CRPPA: variants seen among roughly 807,000 people sequenced by gnomAD.
CRPPA encodes D-ribitol-5-phosphate cytidylyltransferase.
Under a neutral mutation model 52.0 loss-of-function variants are expected in CRPPA, and 43 were observed. The ratio of observed to expected loss-of-function variants is 0.83; its 90% CI spans 0.65 to 1.07. The LOEUF (loss-of-function observed/expected upper bound fraction) is 1.07, where lower values mean the gene tolerates loss of function less well. Ranked by LOEUF, CRPPA falls within the 50% of genes least tolerant of loss-of-function variation. The pLI, the probability that CRPPA is intolerant of heterozygous loss-of-function variation, is 0.00. For synonymous variants in CRPPA, 250 were observed against 203.5 expected, an observed-to-expected ratio of 1.23 and a Z score of -1.94; for missense variants, 629 against 551.7, an observed-to-expected ratio of 1.14 and a Z score of -1.40.
chr7:16,295,666 C>T (rs1362736996), intron 5 of CRPPA, among the ~76,000 whole-genome samples: 1 of 152,016 alleles, frequency 6.6e-6, no homozygotes, highest in Non-Finnish European at 1.5e-5. Context: ...GACCTTCATG[C>T]CAGGATATGG....
chr7:16,199,765 A>C (rs1026287662), intron 9 of CRPPA, among the ~76,000 whole-genome samples: 4 of 152,020 alleles, frequency 2.6e-5, no homozygotes, highest in African/African-American at 9.7e-5. Flanking sequence ...TCTGGTTTCC[A>C]GATTTTGTGA....
At chr7:16,143,617 G>A (rs1466912561) in intron 9 of CRPPA, among the ~76,000 whole-genome samples, 1 of 152,166 alleles carries the variant, frequency 6.6e-6, no homozygotes. Flanking sequence ...GGGAATGATG[G>A]AGATATTGGT....
chr7:16,093,544 T>G (rs964697451), intron 9 of CRPPA, among the ~76,000 whole-genome samples: 1 of 152,184 alleles, frequency 6.6e-6, no homozygotes, highest in African/African-American at 2.4e-5. Context: ...CTGGAGAAGA[T>G]CTGCAAGATG....
intron 3 of CRPPA, among the ~76,000 whole-genome samples, chr7:16,315,821 A>C (rs1326453462): frequency 1.3e-5 from 2 of 152,060 alleles, no homozygotes; most frequent in Non-Finnish European, 2.9e-5. Flanking sequence ...AGGTTTTCCT[A>C]CCCTGTCACT....
Position 16,091,085 on chromosome 7 carries a change from T to C in CRPPA, c.*610A>G, listed in dbSNP as rs1781827624. 1 of 152,208 alleles carries C rather than the reference T, an allele frequency of 6.6e-6. No homozygotes were observed. The highest frequency in any genetic ancestry group is 2.4e-5 in the African/African-American group (1 of 41,456). 9.4% of individuals were successfully genotyped at this position (152,208 alleles called of 1,614,324 possible). The stretch of plus-strand genomic sequence containing the variant: ...TCATAAACCAAAAATAACATACAAT[T>C]TAAAAACAGAAAAGAAGGAAATGAC... On this transcript the variant is annotated 3_prime_UTR_variant, in exon 10 of 10. Coordinates refer to ENST00000407010, the MANE Select transcript of CRPPA (RefSeq NM_001101426.4).
intron 3 of CRPPA, among the ~76,000 whole-genome samples, chr7:16,365,946 T>C (rs1429540748): frequency 2.6e-5 from 4 of 152,160 alleles, no homozygotes; most frequent in Non-Finnish European, 4.4e-5. Flanking sequence ...TTAAAGCATA[T>C]TGAAATGTTA....
At position 16,307,794 on chromosome 7, in the gene CRPPA, C is replaced by A. The variant is rs140778787; in HGVS notation, c.789+729G>T. On this transcript the variant is annotated intron_variant, in intron 4 of 9. Coordinates refer to ENST00000407010, the MANE Select transcript of CRPPA (RefSeq NM_001101426.4). ...AGAAAGTGGATCCAGCTACCACCCC[C>A]ACTGGGTTGGAACTGTTGCAGATAT... Among the ~76,000 whole-genome samples, 7 of 151,946 alleles carry A rather than the reference C, an allele frequency of 4.6e-5. No individual in the cohort carries two copies. In the East Asian group the frequency reaches 1.4e-3, roughly 29 times the overall value.
At chr7:16,161,447 G>A (rs1014025710) in intron 9 of CRPPA, among the ~76,000 whole-genome samples, 2 of 152,092 alleles carry the variant, frequency 1.3e-5, no homozygotes, top group Non-Finnish European at 2.9e-5. Flanking sequence ...ATAATCATGT[G>A]GTTTTTGTCA....
chr7:16,245,981 G>C (rs551897085), intron 8 of CRPPA, among the ~76,000 whole-genome samples: 1 of 151,960 alleles, frequency 6.6e-6, no homozygotes. Context: ...AGGTTGGGTG[G>C]ATGTGGCAAC....
At chr7:16,263,047 T>G (rs1466336692) in intron 6 of CRPPA, among the ~76,000 whole-genome samples, 1 of 152,224 alleles carries the variant, frequency 6.6e-6, no homozygotes, top group Non-Finnish European at 1.5e-5. Flanking sequence ...AATTATTTTA[T>G]TTTTATATTG....
intron 8 of CRPPA, among the ~76,000 whole-genome samples, chr7:16,219,298 T>G (rs1002080203): frequency 6.7e-6 from 1 of 148,252 alleles, no homozygotes; most frequent in Non-Finnish European, 1.5e-5. Context: ...AAGCAGTGTG[T>G]AGAGGGAAAT....
chr7:16,395,333 C>T (rs1322779549), intron 2 of CRPPA, among the ~76,000 whole-genome samples: 1 of 152,164 alleles, frequency 6.6e-6, no homozygotes, highest in Non-Finnish European at 1.5e-5. Flanking sequence ...TGCATCCATA[C>T]AGCAGGCACT....
chr7:16,278,080 A>C, intron 6 of CRPPA, 49 bp downstream of exon 6: 1 of 920,084 alleles, frequency 1.1e-6, no homozygotes, highest in Non-Finnish European at 1.7e-6. Flanking sequence ...TTATACTATA[A>C]AAGTTTTTGG....
In CRPPA at chr7:16,376,142, CACTTGCTCTG is replaced by C; in HGVS notation, c.624_633del (p.His208GlnfsTer11). ...TCAAATAGAAAAGCTTGGGGCATTTCACTTGCTCTGTGTCTGGCACGTTCTAGCGAGTAGT... is the reference window on the plus strand; with the variant it reads ...TCAAATAGAAAAGCTTGGGGCATTTCTGTCTGGCACGTTCTAGCGAGTAGT... On this transcript the variant is annotated frameshift_variant, in exon 3 of 10. Coordinates refer to ENST00000407010, the MANE Select transcript of CRPPA (RefSeq NM_001101426.4). LOFTEE classifies it high-confidence loss of function. 1.9e-6 allele frequency: 3 copies of C among 1,612,520 alleles called. No individual in the cohort carries two copies. Among genetic ancestry groups the C allele is most frequent in the Non-Finnish European group, 2.5e-6 (3 of 1,179,252 alleles).
chr7:16,313,931 ATCTT>A (rs1785089629), intron 3 of CRPPA, among the ~76,000 whole-genome samples: 1 of 151,928 alleles, frequency 6.6e-6, no homozygotes, highest in Admixed American at 6.6e-5. Context: ...AAAGTGGTCT[ATCTT>A]GTTGAATGTT....
intron 2 of CRPPA, among the ~76,000 whole-genome samples, chr7:16,398,746 T>G (rs1787694844): frequency 6.6e-6 from 1 of 152,114 alleles, no homozygotes; most frequent in Non-Finnish European, 1.5e-5. Flanking sequence ...AACCAATGCC[T>G]GACATGTGAC....
At chr7:16,301,225 A>G (rs1784783944) in intron 5 of CRPPA, among the ~76,000 whole-genome samples, 196 bp downstream of exon 5, 2 of 152,238 alleles carry the variant, frequency 1.3e-5, no homozygotes, top group African/African-American at 2.4e-5. Context: ...ATTAAAATCA[A>G]TGTGGTATCA....
Position 16,089,494 on chromosome 7 carries a change from TGTAC to T in CRPPA, c.*2197_*2200del, listed in dbSNP as rs1234261668. The T allele has an allele frequency of 1.3e-5, 4 of 299,632 alleles. No homozygotes were observed. The highest frequency in any genetic ancestry group is 9.6e-5 in the Admixed American group (3 of 31,382). The allele number at this position is 299,632 out of a possible 1,614,324, so 18.6% of individuals were successfully genotyped here. A position where few individuals can be genotyped will look rare whatever the true frequency, so the allele number is the denominator to read the frequency against. ...GTACGTACATATATACGGGTATATA[TGTAC>T]GTACATACATAGATATGGGTATATA... On this transcript the variant is annotated 3_prime_UTR_variant, in exon 10 of 10. Transcript: ENST00000407010.
intron 3 of CRPPA, among the ~76,000 whole-genome samples, chr7:16,360,703 C>T (rs890612574): frequency 6.6e-6 from 1 of 152,060 alleles, no homozygotes; most frequent in African/African-American, 2.4e-5. Flanking sequence ...ACTCTTACAT[C>T]GTGACATATA....
Sources: gnomAD v4.1 joint callset for allele counts (sites outside exome capture counted in the v4.1 genomes callset) on GRCh38, gnomAD v4.1.1 for gene constraint, MANE v1.5 for transcripts, NCBI Gene and HGNC (gene_info 2026-07-23, HGNC 2026-07-21) for gene names.